Variants in CNTNAP5 observed in about 807,000 individuals in gnomAD.
The protein encoded by CNTNAP5 is contactin-associated protein-like 5.
A neutral mutation model predicts 150.2 loss-of-function variants in CNTNAP5; 72 were observed. That is an observed-to-expected ratio of 0.48 (90% CI 0.40 to 0.58). The LOEUF is 0.58. Ranked by LOEUF, CNTNAP5 falls within the 20% of genes least tolerant of loss-of-function variation. The pLI is 0.00. For missense variants in CNTNAP5, 1,636 were observed against 1,626.2 expected, an observed-to-expected ratio of 1.01 and a Z score of -0.10; for synonymous variants, 672 against 619.8, an observed-to-expected ratio of 1.08 and a Z score of -1.25.
rs554989034 is a variant in CNTNAP5, at chr2:124,690,768, T to C, written c.2077+42810T>C. On this transcript the variant is annotated intron_variant, in intron 13 of 23. Coordinates refer to ENST00000682447, the MANE Select transcript of CNTNAP5 (RefSeq NM_001367498.1). Reference sequence around the variant, plus strand: ...CTTAGGCATTAAGATTTCATTCTAATATGGTCTCCTCCTCAAAGCCTTCCT... The same window carrying C: ...CTTAGGCATTAAGATTTCATTCTAACATGGTCTCCTCCTCAAAGCCTTCCT... 2.0e-5 allele frequency among the ~76,000 whole-genome samples: 3 copies of C among 152,240 alleles called. No individual in the cohort carries two copies. The East Asian group carries it at 5.8e-4, about 29-fold the overall frequency.
intron 7 of CNTNAP5, among the ~76,000 whole-genome samples, chr2:124,499,243 A>C (rs1274781323): frequency 6.6e-6 from 1 of 152,238 alleles, no homozygotes; most frequent in Non-Finnish European, 1.5e-5. Context: ...GATGATCTAT[A>C]CCAAATTGTA....
intron 10 of CNTNAP5, among the ~76,000 whole-genome samples, chr2:124,546,614 G>C (rs954851850): frequency 6.6e-6 from 1 of 152,190 alleles, no homozygotes; most frequent in Non-Finnish European, 1.5e-5. Context: ...GAGGTAGTTG[G>C]TAGTGTAGAC....
At chr2:124,414,723 G>C (rs1024945099) in intron 3 of CNTNAP5, among the ~76,000 whole-genome samples, 1 of 110,184 alleles carries the variant, frequency 9.1e-6, no homozygotes, top group African/African-American at 2.9e-5. Context: ...GTGTGTGTGC[G>C]TGTGTGTGTG....
intron 3 of CNTNAP5, among the ~76,000 whole-genome samples, chr2:124,302,564 C>T (rs771397470): frequency 1.1e-4 from 17 of 152,130 alleles, no homozygotes; most frequent in Non-Finnish European, 1.6e-4. Flanking sequence ...TACCAGGAAC[C>T]CACTCCTGGA....
chr2:124,907,294 C>A (rs1441362799), intron 22 of CNTNAP5, among the ~76,000 whole-genome samples: 1 of 151,910 alleles, frequency 6.6e-6, no homozygotes, highest in African/African-American at 2.4e-5. Context: ...TCAGTGAAAA[C>A]CCCTCACAGG....
At chr2:124,620,280 T>G (rs965749307) in intron 12 of CNTNAP5, among the ~76,000 whole-genome samples, 2 of 152,264 alleles carry the variant, frequency 1.3e-5, no homozygotes, top group East Asian at 1.9e-4. Flanking sequence ...AATCTATCTT[T>G]GACTCAAGCC....
At chr2:124,539,003 G>A (rs1293147320) in intron 10 of CNTNAP5, among the ~76,000 whole-genome samples, 1 of 152,098 alleles carries the variant, frequency 6.6e-6, no homozygotes, top group East Asian at 1.9e-4. Flanking sequence ...GTCCACTCAT[G>A]GGGCCCTTGA....
chr2:124,582,720 GAGAAA>G (rs1336519512), intron 11 of CNTNAP5, among the ~76,000 whole-genome samples: 2 of 152,152 alleles, frequency 1.3e-5, no homozygotes, highest in Non-Finnish European at 2.9e-5. Flanking sequence ...TTTTTGGAAT[GAGAAA>G]AGAAGTCACT....
At chr2:124,427,792 A>G (rs536662743) in intron 4 of CNTNAP5, among the ~76,000 whole-genome samples, 12 of 152,156 alleles carry the variant, frequency 7.9e-5, no homozygotes, top group African/African-American at 2.6e-4. Flanking sequence ...TTGACTCTCC[A>G]TCATGAGACT....
At chr2:124,427,613 C>G (rs370013397) in intron 4 of CNTNAP5, among the ~76,000 whole-genome samples, 1 of 151,734 alleles carries the variant, frequency 6.6e-6, no homozygotes, top group African/African-American at 2.4e-5. Context: ...CCCACAAGGA[C>G]GCCCGGCTAA....
chr2:124,412,236 A>C (rs1364491456), intron 3 of CNTNAP5, among the ~76,000 whole-genome samples: 1 of 146,276 alleles, frequency 6.8e-6, no homozygotes, highest in Non-Finnish European at 1.5e-5. Context: ...AAGAGGATAC[A>C]AACAAATGGA....
intron 1 of CNTNAP5, among the ~76,000 whole-genome samples, chr2:124,168,641 AC>A (rs1684860739): frequency 6.6e-6 from 1 of 152,214 alleles, no homozygotes; most frequent in African/African-American, 2.4e-5. Flanking sequence ...AGAAAGAAGA[AC>A]AAAACAGGAA....
At chr2:124,344,944 T>G (rs1689702367) in intron 3 of CNTNAP5, among the ~76,000 whole-genome samples, 1 of 152,158 alleles carries the variant, frequency 6.6e-6, no homozygotes, top group Non-Finnish European at 1.5e-5. Flanking sequence ...GCTACCAGTC[T>G]CTGTACTTGG....
intron 13 of CNTNAP5, among the ~76,000 whole-genome samples, chr2:124,676,078 G>A (rs563988890): frequency 5.3e-5 from 8 of 152,108 alleles, no homozygotes; most frequent in African/African-American, 1.9e-4. Context: ...ATTCATTTTT[G>A]TGTGTGGCCA....
chr2:124,636,238 T>A (rs990693941), intron 12 of CNTNAP5, among the ~76,000 whole-genome samples: 2 of 152,210 alleles, frequency 1.3e-5, no homozygotes, highest in African/African-American at 4.8e-5. Context: ...AGTTTCTTCC[T>A]TTATAATTAA....
chr2:124,637,284 G>C (rs1677991194), intron 12 of CNTNAP5, among the ~76,000 whole-genome samples: 1 of 152,080 alleles, frequency 6.6e-6, no homozygotes, highest in African/African-American at 2.4e-5. Context: ...TTTTGTTGTT[G>C]TTGTTGGTTG....
At chr2:124,198,860 G>T (rs1336630180) in intron 1 of CNTNAP5, among the ~76,000 whole-genome samples, 1 of 127,478 alleles carries the variant, frequency 7.8e-6, no homozygotes, top group Middle Eastern at 4.1e-3. Context: ...CTTGCCACAT[G>T]ATTTCTTTTT....
intron 11 of CNTNAP5, among the ~76,000 whole-genome samples, chr2:124,581,809 T>C (rs1164768793): frequency 6.6e-6 from 1 of 152,132 alleles, no homozygotes; most frequent in African/African-American, 2.4e-5. Context: ...TCCTATTGTA[T>C]ATGCACATGA....
chr2:124,308,950 A>G (rs961464917), intron 3 of CNTNAP5, among the ~76,000 whole-genome samples: 1 of 152,172 alleles, frequency 6.6e-6, no homozygotes, highest in Non-Finnish European at 1.5e-5. Flanking sequence ...TTACCTGTGA[A>G]TGGAAATAGT....
Sources: gnomAD v4.1 joint callset for allele counts (sites outside exome capture counted in the v4.1 genomes callset) on GRCh38, gnomAD v4.1.1 for gene constraint, MANE v1.5 for transcripts, NCBI Gene and HGNC (gene_info 2026-07-23, HGNC 2026-07-21) for gene names.